STAT5B: variants seen among roughly 807,000 people sequenced by gnomAD.
STAT5B encodes the protein signal transducer and activator of transcription 5B.
Under a neutral mutation model 107.8 loss-of-function variants are expected in STAT5B, and 21 were observed. That is an observed-to-expected ratio of 0.19 (90% CI 0.14 to 0.28). The LOEUF (loss-of-function observed/expected upper bound fraction) is 0.28, where lower values mean the gene tolerates loss of function less well. STAT5B is among the 10% of genes least tolerant of loss of function. The pLI is 1.00. For synonymous variants in STAT5B, 325 were observed against 401.7 expected, an observed-to-expected ratio of 0.81 and a Z score of 2.28; for missense variants, 565 against 1,008.2, an observed-to-expected ratio of 0.56 and a Z score of 5.95.
chr17:42,248,848 T>C (rs2080474902), intron 1 of STAT5B, among the ~76,000 whole-genome samples: 2 of 152,352 alleles, frequency 1.3e-5, no homozygotes, highest in South Asian at 4.1e-4. Flanking sequence ...CTTCCCCTCC[T>C]GCTTCTGCAG....
At chr17:42,259,958 C>A (rs778836204) in intron 1 of STAT5B, among the ~76,000 whole-genome samples, 1 of 151,920 alleles carries the variant, frequency 6.6e-6, no homozygotes, top group Non-Finnish European at 1.5e-5. Context: ...ACCAAGCGAC[C>A]CTATTTGTAT....
rs555662040 is a variant in STAT5B, at chr17:42,202,625, C to T, written c.2129+132G>A. ...CAGGTACTGGCATAGCATCACCAAG[C>T]CCAGGTCCTTCCCCAGGGCTGAGAC... On this transcript the variant is annotated intron_variant, in intron 17 of 18. Transcript: ENST00000293328. 42 of 1,540,434 alleles carry T rather than the reference C, an allele frequency of 2.7e-5. 1 individual carries two copies. The South Asian group carries it at 4.7e-4, about 17-fold the overall frequency.
rs2080039941 is a variant in STAT5B at position 42,201,102 on chromosome 17, C to T, written c.*636G>A. Reference sequence around the variant, plus strand: ...AGCTAAATGTTTTGTGAAAAGCCACCGCCCATCCGAAAGCTTGTGACTTCC... The same window carrying T: ...AGCTAAATGTTTTGTGAAAAGCCACTGCCCATCCGAAAGCTTGTGACTTCC... On this transcript the variant is annotated 3_prime_UTR_variant, in exon 19 of 19. Coordinates refer to ENST00000293328, the MANE Select transcript of STAT5B (RefSeq NM_012448.4). 2 of 404,202 alleles carry T rather than the reference C, an allele frequency of 4.9e-6. No individual in the cohort carries two copies. Among genetic ancestry groups the T allele is most frequent in the Non-Finnish European group, 8.7e-6 (2 of 229,314 alleles). The allele number at this position is 404,202 out of a possible 1,614,324, so 25.0% of individuals were successfully genotyped here. A position where few individuals can be genotyped will look rare whatever the true frequency, so the allele number is the denominator to read the frequency against.
chr17:42,234,733 G>C (rs534348446), intron 1 of STAT5B: 1 of 152,382 alleles, frequency 6.6e-6, no homozygotes, highest in South Asian at 2.1e-4. Context: ...GTGGTGCCAT[G>C]CGTCTATAAT....
intron 1 of STAT5B, chr17:42,235,388 T>C (rs2080348550): frequency 6.6e-6 from 1 of 152,142 alleles, no homozygotes; most frequent in Non-Finnish European, 1.5e-5. Flanking sequence ...TTTGACCGAT[T>C]CTATTGGCTC....
At chr17:42,213,053 C>T (rs1393827949) in intron 12 of STAT5B, among the ~76,000 whole-genome samples, 1 of 152,146 alleles carries the variant, frequency 6.6e-6, no homozygotes, top group African/African-American at 2.4e-5. Context: ...ATCTGGGAGA[C>T]CTCCCATCAG....
intron 1 of STAT5B, among the ~76,000 whole-genome samples, chr17:42,244,828 G>A (rs1315825464): frequency 2.0e-5 from 3 of 152,172 alleles, no homozygotes; most frequent in African/African-American, 4.8e-5. Context: ...GGGATATGGT[G>A]CAACCAGTTA....
Position 42,201,551 on chromosome 17 carries a change from C to A in STAT5B, c.*187G>T, listed in dbSNP as rs1869364. On this transcript the variant is annotated 3_prime_UTR_variant, in exon 19 of 19. Coordinates refer to ENST00000293328, the MANE Select transcript of STAT5B (RefSeq NM_012448.4). ...ACACACACACACACACACACACACA[C>A]ACAAACACATACTCGCACTCCCTTC... 4.9e-3 allele frequency: 3,298 copies of A among 667,520 alleles called. 65 individuals carry two copies. The African/African-American group carries it at 0.051, about 10-fold the overall frequency. The allele number at this position is 667,520 out of a possible 1,614,324, so 41.3% of individuals were successfully genotyped here.
At chr17:42,218,050 G>C in intron 9 of STAT5B, 101 bp downstream of exon 9, 3 of 1,544,854 alleles carry the variant, frequency 1.9e-6, no homozygotes, top group Non-Finnish European at 2.6e-6. Flanking sequence ...GAAGAGGCCA[G>C]AAGGGCAAAC....
intron 1 of STAT5B, among the ~76,000 whole-genome samples, chr17:42,269,093 A>G (rs2080699746): frequency 6.6e-6 from 1 of 152,092 alleles, no homozygotes; most frequent in African/African-American, 2.4e-5. Flanking sequence ...TATTTTTTTG[A>G]GATGGAGTCT....
In STAT5B at chr17:42,217,986, G is replaced by A. The variant is rs1259831220; in HGVS notation, c.1169+165C>T. 21 of 1,238,086 alleles carry A rather than the reference G, an allele frequency of 1.7e-5. No homozygotes were observed. The South Asian group carries it at 1.9e-4, about 11-fold the overall frequency. 76.7% of individuals were successfully genotyped at this position (1,238,086 alleles called of 1,614,324 possible). Reference sequence around the variant, plus strand: ...CTCTTAAAGTGCTTGGATTACAGGTGTGAGCCACCACACCAGGCCCAAGAA... The same window carrying A: ...CTCTTAAAGTGCTTGGATTACAGGTATGAGCCACCACACCAGGCCCAAGAA... On this transcript the variant is annotated intron_variant, in intron 9 of 18. Transcript: ENST00000293328.
At chr17:42,237,155 A>C (rs934792476) in intron 1 of STAT5B, among the ~76,000 whole-genome samples, 2 of 152,200 alleles carry the variant, frequency 1.3e-5, no homozygotes, top group Admixed American at 6.6e-5. Flanking sequence ...GTACTTTCTG[A>C]AGGCATAAAG....
intron 1 of STAT5B, among the ~76,000 whole-genome samples, chr17:42,265,444 C>G (rs959566800): frequency 1.4e-5 from 2 of 141,248 alleles, no homozygotes; most frequent in African/African-American, 5.6e-5. Context: ...GATCTCGGCT[C>G]ACAGCAACCT....
Position 42,242,092 on chromosome 17 carries a change from G to A in STAT5B, c.-10-9955C>T, listed in dbSNP as rs374059550. On this transcript the variant is annotated intron_variant, in intron 1 of 18. Coordinates refer to ENST00000293328, the MANE Select transcript of STAT5B (RefSeq NM_012448.4). Reference sequence around the variant, plus strand: ...ATCCGCCATTAATCTTTATGTCACAGCCAAATCACTGCATATTACAATAGG... The same window carrying A: ...ATCCGCCATTAATCTTTATGTCACAACCAAATCACTGCATATTACAATAGG... Among the ~76,000 whole-genome samples, 3 of 152,196 alleles carry A rather than the reference G, an allele frequency of 2.0e-5. No homozygotes were observed. In the East Asian group the frequency reaches 5.8e-4, roughly 29 times the overall value.
At chr17:42,215,002 C>T (rs918598764) in intron 12 of STAT5B, among the ~76,000 whole-genome samples, 3 of 152,100 alleles carry the variant, frequency 2.0e-5, no homozygotes, top group African/African-American at 7.2e-5. Flanking sequence ...GCCTTGGCCT[C>T]CTGGAGTGCT....
intron 8 of STAT5B, 53 bp from the exon 9 acceptor site, chr17:42,218,383 G>C: frequency 6.3e-7 from 1 of 1,592,324 alleles, no homozygotes; most frequent in Admixed American, 1.7e-5. Flanking sequence ...CAGGGGAAAG[G>C]GCTCTCAGTC....
intron 4 of STAT5B, among the ~76,000 whole-genome samples, chr17:42,224,219 T>C (rs554383018): frequency 2.6e-5 from 4 of 152,336 alleles, no homozygotes; most frequent in Admixed American, 2.6e-4. Context: ...CACCTGAATA[T>C]GAGCATGCCT....
upstream of STAT5B, among the ~76,000 whole-genome samples, chr17:42,280,337 C>T (rs1158734175): frequency 2.0e-5 from 3 of 152,140 alleles, no homozygotes; most frequent in African/African-American, 7.2e-5. Context: ...CCTCCCCTCT[C>T]TCTCTCATAG....
chr17:42,262,922 GTATA>G (rs71917212), intron 1 of STAT5B, among the ~76,000 whole-genome samples: 1 of 90,144 alleles, frequency 1.1e-5, no homozygotes, highest in African/African-American at 4.1e-5. Context: ...ATATATGTGT[GTATA>G]TATATATGTA....
Sources: allele counts gnomAD v4.1 joint callset (sites outside exome capture counted in the v4.1 genomes callset), GRCh38; gene constraint gnomAD v4.1.1; transcripts MANE v1.5; gene names NCBI Gene and HGNC (gene_info 2026-07-23, HGNC 2026-07-21).